SLC46A1: variants seen among roughly 807,000 people sequenced by gnomAD.
SLC46A1 encodes the protein solute carrier family 46 member 1.
Under a neutral mutation model 32.1 loss-of-function variants are expected in SLC46A1, and 17 were observed. That is an observed-to-expected ratio of 0.53 (90% CI 0.36 to 0.79). The LOEUF is 0.79. Among genes scored for constraint, SLC46A1 ranks in the 30% least tolerant of loss-of-function variants. The pLI, the probability that SLC46A1 is intolerant of heterozygous loss-of-function variation, is 0.00. For missense variants in SLC46A1, 517 were observed against 588.2 expected (o/e 0.88, Z 1.25); for synonymous variants, 240 against 262.7 (o/e 0.91, Z 0.84).
chr17:28,401,083 T>C (rs2068192387), intron 3 of SLC46A1: 7 of 375,434 alleles, frequency 1.9e-5, no homozygotes, highest in Non-Finnish European at 2.0e-5. Context: ...TTGATGGAAA[T>C]GGCTTTTTTC....
chr17:28,405,517 A>G, intron 1 of SLC46A1, 49 bp from the exon 2 acceptor site: 4 of 1,574,730 alleles, frequency 2.5e-6, no homozygotes, highest in Non-Finnish European at 3.4e-6. Flanking sequence ...TGGGTTCCAC[A>G]ATCCCCAAAT....
Position 28,399,488 on chromosome 17 carries a change from T to C in SLC46A1, c.*168A>G. 1 of 652,378 alleles carries C rather than the reference T, an allele frequency of 1.5e-6. No individual in the cohort carries two copies. The highest frequency in any genetic ancestry group is 2.7e-6 in the Non-Finnish European group (1 of 371,154). 40.4% of individuals were successfully genotyped at this position (652,378 alleles called of 1,614,324 possible). The stretch of plus-strand genomic sequence containing the variant: ...GATCCTAGACAGAGGCTGGGTCAGC[T>C]GTGGATGGGGTGGTGCCTTGGTCTC... On this transcript the variant is annotated 3_prime_UTR_variant, in exon 5 of 5. Coordinates refer to ENST00000612814, the MANE Select transcript of SLC46A1 (RefSeq NM_080669.6).
In SLC46A1 at chr17:28,398,124, CA is replaced by C. The variant is rs2068153663; in HGVS notation, c.*1531del. ...CAGGGCAGCCTGGACACTGCCCTCA[CA>C]GGACAGCGCCAATAACAATACAGTG... On this transcript the variant is annotated 3_prime_UTR_variant, in exon 5 of 5. Coordinates refer to ENST00000612814, the MANE Select transcript of SLC46A1 (RefSeq NM_080669.6). 1 of 152,354 alleles carries C rather than the reference CA, an allele frequency of 6.6e-6. No homozygotes were observed. The highest frequency in any genetic ancestry group is 1.5e-5 in the Non-Finnish European group (1 of 68,148). 9.4% of individuals were successfully genotyped at this position (152,354 alleles called of 1,614,324 possible).
intron 3 of SLC46A1, chr17:28,401,969 G>C: frequency 3.2e-6 from 1 of 313,004 alleles, no homozygotes; most frequent in South Asian, 7.7e-5. Context: ...GAGGTCTGCA[G>C]AGAGTAAATC....
chr17:28,405,530 T>A (rs891578661), intron 1 of SLC46A1, 62 bp from the exon 2 acceptor site: 5 of 1,562,644 alleles, frequency 3.2e-6, no homozygotes, highest in Admixed American at 3.7e-5. Context: ...CCCCAAATCC[T>A]CGCCATCCCG....
At chr17:28,404,489 A>G (rs1171922331) in intron 2 of SLC46A1, 127 bp downstream of exon 2, 5 of 1,239,234 alleles carry the variant, frequency 4.0e-6, no homozygotes, top group Non-Finnish European at 5.7e-6. Context: ...TCTCCAGTGC[A>G]GGCTGGGGGC....
chr17:28,405,082 G>A lies in SLC46A1; in HGVS notation c.615C>T (p.Ala205=). ...ASLLGGHWLR[A]QGYANPFWLA... is the part of the protein sequence containing the mutation. ...GCCAGAAGGGGTTGGCATAACCCTG[G>A]GCCCGGAGCCAGTGGCCCCCGAGGA... Residue 205 remains alanine, a synonymous_variant, in exon 2 of 5, where the codon GCC becomes GCT. Coordinates refer to ENST00000612814, the MANE Select transcript of SLC46A1 (RefSeq NM_080669.6). 1 of 1,613,944 alleles carries A rather than the reference G, an allele frequency of 6.2e-7. No homozygotes were observed. The highest frequency in any genetic ancestry group is 2.2e-5 in the East Asian group (1 of 44,878).
rs782584686 is a variant in SLC46A1, at chr17:28,396,225, G to A, written c.*3431C>T. On this transcript the variant is annotated 3_prime_UTR_variant, in exon 5 of 5. Coordinates refer to ENST00000612814, the MANE Select transcript of SLC46A1 (RefSeq NM_080669.6). ...CGCTTCCTGCAGGGCCGCTCCTCCC[G>A]GGACTCATCTGCAGGCTCTGACACC... 2.5e-5 allele frequency: 41 copies of A among 1,613,856 alleles called. No individual in the cohort carries two copies. Among genetic ancestry groups the A allele is most frequent in the Middle Eastern group, 1.6e-4 (1 of 6,084 alleles).
Position 28,399,353 on chromosome 17 carries a change from TG to T in SLC46A1, c.*302del, listed in dbSNP as rs2068167661. 1.1e-5 allele frequency: 4 copies of T among 378,892 alleles called. No individual in the cohort carries two copies. The South Asian group carries it at 1.4e-4, about 13-fold the overall frequency. The allele number at this position is 378,892 out of a possible 1,614,324, so 23.5% of individuals were successfully genotyped here. On this transcript the variant is annotated 3_prime_UTR_variant, in exon 5 of 5. Transcript: ENST00000612814. ...GTCACCTCTCTCAGGACCTCTCCTC[TG>T]GCCTGTGGGGTTATAAGTGATGGAT...
At chr17:28,400,565 G>C (rs557962388) in intron 4 of SLC46A1, 45 bp downstream of exon 4, 2 of 1,606,922 alleles carry the variant, frequency 1.2e-6, no homozygotes, top group Admixed American at 3.4e-5. Context: ...AAACTTTTAA[G>C]AGAAAGGGCT....
chr17:28,402,586 C>T, intron 2 of SLC46A1: 1 of 345,660 alleles, frequency 2.9e-6, no homozygotes, highest in African/African-American at 2.1e-5. Flanking sequence ...TCACAGCAGG[C>T]ATCACCCACC....
intron 3 of SLC46A1, chr17:28,401,489 G>C (rs1056512871): frequency 3.3e-5 from 5 of 152,492 alleles, no homozygotes; most frequent in Non-Finnish European, 7.3e-5. Context: ...CTCATTCCAG[G>C]ACAGATGGAA....
chr17:28,402,131 G>A (rs1239879860), intron 3 of SLC46A1, 107 bp downstream of exon 3: 22 of 925,522 alleles, frequency 2.4e-5, no homozygotes, highest in Non-Finnish European at 3.6e-5. Context: ...CTTCTCCAGG[G>A]TGAGAGGGGG....
rs781893195 is a variant in SLC46A1, at chr17:28,406,060, C to T, written c.55G>A (p.Val19Met). The T allele has an allele frequency of 6.2e-7, 1 of 1,600,408 alleles. No individual in the cohort carries two copies. The highest frequency in any genetic ancestry group is 8.5e-7 in the Non-Finnish European group (1 of 1,175,236). ...EKPRARPAAA[V>M]LCRGPVEPLV... ...GGCTCTACCGGGCCCCGGCACAGCA[C>T]GGCAGCCGCAGGGCGGGCGCGGGGC... The change falls in exon 1 of 5, where the codon GTG (valine) becomes ATG (methionine). Residue 19 changes from valine (V) to methionine (M), a missense_variant. Coordinates refer to ENST00000612814, the MANE Select transcript of SLC46A1 (RefSeq NM_080669.6). This position sits in a 1 kb window ranked among gnomAD's most constrained non-coding sequence, Gnocchi z 4.5.
rs781902941 is a variant in SLC46A1 at position 28,404,784 on chromosome 17, C to T, written c.913G>A (p.Gly305Ser). 8 of 1,613,838 alleles carry T rather than the reference C, an allele frequency of 5.0e-6. No homozygotes were observed. The highest frequency in any genetic ancestry group is 4.4e-5 in the South Asian group (4 of 91,082). Reference sequence around the variant, plus strand: ...AGATGCTGAGCTGCAGAACCATAGCCGATTAGTTTGGAGTCCCAGCAGAGG... The same window carrying T: ...AGATGCTGAGCTGCAGAACCATAGCTGATTAGTTTGGAGTCCCAGCAGAGG... ...TPLCWDSKLI[G>S]YGSAAQHLPY... Residue 305 changes from glycine (G) to serine (S), a missense_variant, in exon 2 of 5, where the codon GGC becomes AGC. Physicochemically the swap from Gly to Ser is moderately conservative, Grantham distance 56. Coordinates refer to ENST00000612814, the MANE Select transcript of SLC46A1 (RefSeq NM_080669.6).
chr17:28,403,916 A>C (rs2068224565), intron 2 of SLC46A1: 2 of 152,750 alleles, frequency 1.3e-5, no homozygotes, highest in Non-Finnish European at 2.9e-5. Context: ...AGAGAGGCCA[A>C]GGTGGGAGGA....
At chr17:28,402,005 C>T (rs1019693426) in intron 3 of SLC46A1, 12 of 453,552 alleles carry the variant, frequency 2.6e-5, no homozygotes, top group South Asian at 3.6e-5. Context: ...CTAGAAAGAA[C>T]ATAATTGTGC....
intron 2 of SLC46A1, chr17:28,402,625 G>C: frequency 3.9e-6 from 1 of 258,314 alleles, no homozygotes; most frequent in Non-Finnish European, 7.7e-6. Context: ...GATATGGCAG[G>C]GCACAGAAAA....
Position 28,404,600 on chromosome 17 carries a change from A to T in SLC46A1, c.1081+16T>A, listed in dbSNP as rs2068233257. ...GTGCCTCTGGGACAAGCTGTCCCTG[A>T]GCCCACACACTTTACCTGTGAACAT... On this transcript the variant is annotated intron_variant, in intron 2 of 4. Coordinates refer to ENST00000612814, the MANE Select transcript of SLC46A1 (RefSeq NM_080669.6). 1 of 1,609,946 alleles carries T rather than the reference A, an allele frequency of 6.2e-7. No homozygotes were observed. The highest frequency in any genetic ancestry group is 8.5e-7 in the Non-Finnish European group (1 of 1,177,510).
Sources: gnomAD v4.1 joint callset for allele counts on GRCh38, gnomAD v4.1.1 for gene constraint, Gnocchi (gnomAD v3.1) non-coding constraint, MANE v1.5 for transcripts, NCBI Gene and HGNC (gene_info 2026-07-23, HGNC 2026-07-21) for gene names.